SAMMSON: variants seen among roughly 807,000 people sequenced by gnomAD.
SAMMSON encodes the protein long intergenic non-protein coding RNA 1212.
At chr3:70,301,191 T>C (rs1559558306) in intron 7 of SAMMSON, among the ~76,000 whole-genome samples, 1 of 152,122 alleles carries the variant, frequency 6.6e-6, no homozygotes, top group Non-Finnish European at 1.5e-5. Flanking sequence ...TTAATTCTGT[T>C]GTTTCAAGTG....
chr3:70,095,418 G>A (rs2067319656), intron 4 of SAMMSON, among the ~76,000 whole-genome samples: 1 of 152,144 alleles, frequency 6.6e-6, no homozygotes, highest in Non-Finnish European at 1.5e-5. Context: ...TTCCATGCTT[G>A]ATGGGAGAGG....
intron 3 of SAMMSON, among the ~76,000 whole-genome samples, chr3:70,031,046 C>A (rs903782928): frequency 1.3e-5 from 2 of 152,086 alleles, no homozygotes; most frequent in Non-Finnish European, 2.9e-5. Context: ...CTCCTAGGTA[C>A]ATACCCAAAG....
At chr3:70,015,934 G>T (rs2066983063) in intron 3 of SAMMSON, among the ~76,000 whole-genome samples, 1 of 152,152 alleles carries the variant, frequency 6.6e-6, no homozygotes, top group Non-Finnish European at 1.5e-5. Context: ...TGGTGTATAT[G>T]TGCCACATTT....
At chr3:70,256,695 C>G (rs1241080083) in intron 6 of SAMMSON, among the ~76,000 whole-genome samples, 1 of 152,130 alleles carries the variant, frequency 6.6e-6, no homozygotes, top group African/African-American at 2.4e-5. Context: ...TATGGGGAAG[C>G]AATGGAAAGG....
rs1228258362 is a variant in SAMMSON, at chr3:70,289,706, C to G, written n.675-1473C>G. On this transcript the variant is annotated intron_variant and non_coding_transcript_variant, in intron 6 of 9. Transcript: ENST00000642114. The stretch of plus-strand genomic sequence containing the variant: ...TCACTTTCAGGTACACCAATCAGAC[C>G]TAGATTTGGTCTTTTCACATAGTCC... Among the ~76,000 whole-genome samples, 78 of 152,174 alleles carry G rather than the reference C, an allele frequency of 5.1e-4. 2 individuals are homozygous for G. The South Asian group carries it at 0.014, about 28-fold the overall frequency.
intron 7 of SAMMSON, among the ~76,000 whole-genome samples, chr3:70,316,272 G>A (rs1333132013): frequency 6.6e-6 from 1 of 152,076 alleles, no homozygotes; most frequent in Non-Finnish European, 1.5e-5. Context: ...TTGCTATCAC[G>A]AGTCCTTTTG....
At chr3:70,004,843 A>G (rs970785122) in intron 1 of SAMMSON, among the ~76,000 whole-genome samples, 2 of 152,210 alleles carry the variant, frequency 1.3e-5, no homozygotes, top group Non-Finnish European at 2.9e-5. Context: ...GATCACGTGT[A>G]AAACAATACA....
At chr3:70,188,129 G>A (rs1243703792) in intron 4 of SAMMSON, among the ~76,000 whole-genome samples, 1 of 152,180 alleles carries the variant, frequency 6.6e-6, no homozygotes, top group Non-Finnish European at 1.5e-5. Context: ...GGGTTGGCCA[G>A]CCTGGCCTTC....
intron 6 of SAMMSON, among the ~76,000 whole-genome samples, chr3:70,267,330 T>A (rs1339736444): frequency 6.6e-6 from 1 of 151,806 alleles, no homozygotes. Context: ...TATCAAGTTT[T>A]CCATGAGACC....
intron 2 of SAMMSON, among the ~76,000 whole-genome samples, chr3:70,413,095 A>T (rs72949117): frequency 0.026 from 3,978 of 152,236 alleles, 205 homozygotes; most frequent in African/African-American, 0.092. Flanking sequence ...TAAGGAAACT[A>T]GAAATAAAGA....
chr3:70,169,549 A>G (rs1225928117), intron 4 of SAMMSON, among the ~76,000 whole-genome samples: 9 of 151,984 alleles, frequency 5.9e-5, no homozygotes, highest in Admixed American at 5.9e-4. Context: ...TGGTTGCTGC[A>G]TGAAAGCTTC....
At chr3:70,407,817 A>C (rs1701188391) in intron 2 of SAMMSON, among the ~76,000 whole-genome samples, 1 of 152,244 alleles carries the variant, frequency 6.6e-6, no homozygotes, top group African/African-American at 2.4e-5. Flanking sequence ...GTGCCCCAGC[A>C]GGGGGCAGAG....
At chr3:70,160,690 G>A (rs2067611167) in intron 4 of SAMMSON, among the ~76,000 whole-genome samples, 1 of 151,952 alleles carries the variant, frequency 6.6e-6, no homozygotes, top group Admixed American at 6.6e-5. Context: ...TTTCCATATA[G>A]ATTTAATGAT....
At chr3:70,284,142 T>A (rs1414674000) in intron 6 of SAMMSON, among the ~76,000 whole-genome samples, 1 of 152,194 alleles carries the variant, frequency 6.6e-6, no homozygotes, top group Non-Finnish European at 1.5e-5. Flanking sequence ...TAAAATTTCA[T>A]GAAAGCAAGA....
chr3:70,039,471 T>G (rs1311997574), intron 3 of SAMMSON, among the ~76,000 whole-genome samples: 1 of 151,992 alleles, frequency 6.6e-6, no homozygotes, highest in African/African-American at 2.4e-5. Context: ...ACAGACTGCC[T>G]TTGAACTTTA....
chr3:70,048,649 C>T (rs1030269753), intron 3 of SAMMSON, among the ~76,000 whole-genome samples: 15 of 152,084 alleles, frequency 9.9e-5, no homozygotes, highest in Admixed American at 5.2e-4. Flanking sequence ...ATTACTACTA[C>T]TATTGCTACT....
rs143491679 is a variant in SAMMSON, at chr3:70,404,960, A to T, written n.233+46636A>T. On this transcript the variant is annotated intron_variant and non_coding_transcript_variant, in intron 2 of 3. Coordinates refer to the SAMMSON transcript ENST00000641053. ...TTGAGTCTTTAGCACACTACTGTTT[A>T]TGTGTAGGATGAGAGTCCATGAGGC... Among the ~76,000 whole-genome samples, 5 of 152,324 alleles carry T rather than the reference A, an allele frequency of 3.3e-5. No individual in the cohort carries two copies. In the East Asian group the frequency reaches 9.6e-4, roughly 29 times the overall value.
At chr3:70,119,461 A>T (rs1403243562) in intron 4 of SAMMSON, among the ~76,000 whole-genome samples, 1 of 152,194 alleles carries the variant, frequency 6.6e-6, no homozygotes, top group Non-Finnish European at 1.5e-5. Context: ...TAGCACATAG[A>T]ACAGAAAATT....
intron 3 of SAMMSON, among the ~76,000 whole-genome samples, chr3:70,037,933 G>A (rs539278018): frequency 1.3e-5 from 2 of 152,268 alleles, no homozygotes; most frequent in Middle Eastern, 6.8e-3. Flanking sequence ...TAAGGTGTTC[G>A]ATTATATTAA....
Sources: allele counts gnomAD v4.1 joint callset (sites outside exome capture counted in the v4.1 genomes callset), GRCh38; gene constraint gnomAD v4.1.1; transcripts MANE v1.5; gene names NCBI Gene and HGNC (gene_info 2026-07-23, HGNC 2026-07-21).